FAM13C: variants seen among roughly 807,000 people sequenced by gnomAD.
FAM13C encodes the protein protein FAM13C.
In FAM13C, 37 loss-of-function variants were observed where a neutral mutation model predicts 73.2. The observed-to-expected ratio is 0.51, with a 90% CI of 0.39 to 0.67. The LOEUF is 0.67. FAM13C is among the 30% of genes least tolerant of loss of function. FAM13C has a pLI of 0.00. For missense variants in FAM13C, 589 were observed against 715.6 expected, an observed-to-expected ratio of 0.82 and a Z score of 2.02; for synonymous variants, 246 against 260.9, an observed-to-expected ratio of 0.94 and a Z score of 0.55.
In FAM13C at chr10:59,283,364, T is replaced by G; in HGVS notation, c.591A>C (p.Ala197=). 1 of 1,614,124 alleles carries G rather than the reference T, an allele frequency of 6.2e-7. No homozygotes were observed. The highest frequency in any genetic ancestry group is 8.5e-7 in the Non-Finnish European group (1 of 1,179,996). The change falls in exon 6 of 14, where the codon GCA becomes GCC. Residue 197 remains alanine (A), a splice_region_variant and synonymous_variant. Coordinates refer to ENST00000618804, the MANE Select transcript of FAM13C (RefSeq NM_198215.4). The part of the protein sequence containing the change: ...QSVLADGTDS[A]DPSPVHKDGQ... ...ACAACCCCCAGCCCTGTATCTTACC[T>G]GCAGAATCTGTCCCATCGGCAAGCA...
chr10:59,273,198 T>G (rs1329204870), intron 6 of FAM13C, among the ~76,000 whole-genome samples: 2 of 152,186 alleles, frequency 1.3e-5, no homozygotes, highest in Non-Finnish European at 2.9e-5. Flanking sequence ...TTTTTAAAAC[T>G]AATACACATT....
At chr10:59,319,833 A>G (rs1207499114) in intron 4 of FAM13C, among the ~76,000 whole-genome samples, 1 of 152,222 alleles carries the variant, frequency 6.6e-6, no homozygotes, top group Non-Finnish European at 1.5e-5. Flanking sequence ...CCAGGTATTG[A>G]GGAGTATGCA....
At chr10:59,281,034 T>C (rs1284339460) in intron 6 of FAM13C, among the ~76,000 whole-genome samples, 2 of 152,206 alleles carry the variant, frequency 1.3e-5, no homozygotes, top group Non-Finnish European at 2.9e-5. Context: ...AATTACTAAT[T>C]GAATTTTTAT....
At chr10:59,298,834 A>G (rs1440016027) in intron 5 of FAM13C, among the ~76,000 whole-genome samples, 1 of 152,198 alleles carries the variant, frequency 6.6e-6, no homozygotes, top group Non-Finnish European at 1.5e-5. Context: ...GGAAAATGGA[A>G]GAAGGGTAGA....
At chr10:59,346,290 C>T (rs1384203777) in intron 3 of FAM13C, among the ~76,000 whole-genome samples, 1 of 152,104 alleles carries the variant, frequency 6.6e-6, no homozygotes, top group East Asian at 1.9e-4. Context: ...TCTACAATAC[C>T]AGAAATATAG....
intron 6 of FAM13C, among the ~76,000 whole-genome samples, chr10:59,279,442 A>T (rs1289014995): frequency 6.6e-6 from 1 of 152,228 alleles, no homozygotes. Context: ...ACCCAAATTG[A>T]AAGTTCAATT....
At chr10:59,283,605 G>A in intron 5 of FAM13C, 158 bp from the exon 6 acceptor site, 1 of 719,564 alleles carries the variant, frequency 1.4e-6, no homozygotes, top group Non-Finnish European at 2.5e-6. Context: ...TCCACTGCCT[G>A]GCAGGAAGAG....
At chr10:59,321,430 AC>A (rs34714862) in intron 4 of FAM13C, among the ~76,000 whole-genome samples, 4,788 of 74,256 alleles carry the variant, frequency 0.064, 454 homozygotes, top group African/African-American at 0.079. Flanking sequence ...CCCTGCCAAC[AC>A]CTTTTTTTTT....
chr10:59,335,319 T>C (rs192325849), intron 3 of FAM13C, among the ~76,000 whole-genome samples: 1 of 152,346 alleles, frequency 6.6e-6, no homozygotes, highest in African/African-American at 2.4e-5. Flanking sequence ...AGTTTTTATG[T>C]GGACTTGGGA....
chr10:59,323,748 T>TC (rs1361580675), intron 4 of FAM13C, among the ~76,000 whole-genome samples: 1 of 152,004 alleles, frequency 6.6e-6, no homozygotes, highest in African/African-American at 2.4e-5. Flanking sequence ...TGTCTCCACT[T>TC]CCCCCTGAGC....
At chr10:59,249,397 C>T (rs1252785898) in intron 13 of FAM13C, among the ~76,000 whole-genome samples, 2 of 129,676 alleles carry the variant, frequency 1.5e-5, no homozygotes, top group African/African-American at 5.7e-5. Flanking sequence ...GAGTGAGACT[C>T]CGTCTCAAAA....
intron 10 of FAM13C, among the ~76,000 whole-genome samples, chr10:59,255,690 C>A (rs1841886263): frequency 6.6e-6 from 1 of 152,076 alleles, no homozygotes; most frequent in East Asian, 1.9e-4. Context: ...GATCTGTCTC[C>A]CTTGAAAGAA....
At chr10:59,256,647 A>G (rs1391462859) in intron 10 of FAM13C, among the ~76,000 whole-genome samples, 1 of 152,178 alleles carries the variant, frequency 6.6e-6, no homozygotes, top group Non-Finnish European at 1.5e-5. Context: ...TCATCCTCAG[A>G]TAGAGGACAG....
chr10:59,331,006 T>C (rs1288261466), intron 3 of FAM13C, among the ~76,000 whole-genome samples: 1 of 152,174 alleles, frequency 6.6e-6, no homozygotes, highest in African/African-American at 2.4e-5. Flanking sequence ...TCTGCAGCTT[T>C]ATGGGATTCT....
chr10:59,278,382 A>G (rs1844558811), intron 6 of FAM13C, among the ~76,000 whole-genome samples: 1 of 152,172 alleles, frequency 6.6e-6, no homozygotes, highest in Non-Finnish European at 1.5e-5. Flanking sequence ...TGCCCAATCC[A>G]TTCACTAATG....
chr10:59,280,497 G>T (rs1564518116), intron 6 of FAM13C, among the ~76,000 whole-genome samples: 2 of 152,206 alleles, frequency 1.3e-5, no homozygotes. Context: ...GTACAGCAGA[G>T]TCAGACAGAA....
At chr10:59,282,826 A>AT (rs1845086114) in intron 6 of FAM13C, 1 of 143,622 alleles carries the variant, frequency 7.0e-6, no homozygotes, top group Non-Finnish European at 1.5e-5. Context: ...TGACAAGGAA[A>AT]TTAATGAAAA....
At chr10:59,293,782 C>T (rs1452403322) in intron 5 of FAM13C, among the ~76,000 whole-genome samples, 2 of 152,180 alleles carry the variant, frequency 1.3e-5, no homozygotes, top group Non-Finnish European at 2.9e-5. Flanking sequence ...AAAGTCCACT[C>T]TTGTACTGCA....
At chr10:59,334,652 G>A (rs1231487568) in intron 3 of FAM13C, among the ~76,000 whole-genome samples, 3 of 150,632 alleles carry the variant, frequency 2.0e-5, no homozygotes, top group African/African-American at 4.9e-5. Context: ...GCAAACTATC[G>A]CAAGGACAAA....
Sources: allele counts gnomAD v4.1 joint callset (sites outside exome capture counted in the v4.1 genomes callset), GRCh38; gene constraint gnomAD v4.1.1; transcripts MANE v1.5; gene names NCBI Gene and HGNC (gene_info 2026-07-23, HGNC 2026-07-21).